SPIRE1: variants seen among roughly 807,000 people sequenced by gnomAD.
SPIRE1 encodes the protein spire type actin nucleation factor 1.
A neutral mutation model predicts 94.1 loss-of-function variants in SPIRE1; 40 were observed. The observed-to-expected ratio is 0.43, with a 90% CI of 0.33 to 0.55. The LOEUF is 0.55. SPIRE1 is among the 20% of genes least tolerant of loss of function. The pLI, the probability that SPIRE1 is intolerant of heterozygous loss-of-function variation, is 0.06. For synonymous variants in SPIRE1, 376 were observed against 371.7 expected, an observed-to-expected ratio of 1.01 and a Z score of -0.13; for missense variants, 838 against 975.2, an observed-to-expected ratio of 0.86 and a Z score of 1.87.
At position 12,574,907 on chromosome 18, in the gene SPIRE1, G is replaced by A. The variant is rs76271141; in HGVS notation, c.373-28003C>T. Among the ~76,000 whole-genome samples, 1,338 of 152,312 alleles carry A rather than the reference G, an allele frequency of 8.8e-3. 28 individuals are homozygous for A. The highest frequency in any genetic ancestry group is 0.03 in the African/African-American group (1,232 of 41,572). ...AGGCATCGTCATATGTACTGAATGTGGATAAGAAGTAAGAGGAACTCTAGC... is the reference window on the plus strand; with the variant it reads ...AGGCATCGTCATATGTACTGAATGTAGATAAGAAGTAAGAGGAACTCTAGC... On this transcript the variant is annotated intron_variant, in intron 2 of 16. Transcript: ENST00000409402.
At chr18:12,486,772 C>A (rs940894905) in intron 8 of SPIRE1, among the ~76,000 whole-genome samples, 1 of 152,168 alleles carries the variant, frequency 6.6e-6, no homozygotes, top group South Asian at 2.1e-4. Flanking sequence ...CCTTCCTTAT[C>A]GTATTTTCAC....
chr18:12,483,034 G>C (rs992870264), intron 9 of SPIRE1, among the ~76,000 whole-genome samples: 15 of 149,948 alleles, frequency 1.0e-4, no homozygotes, highest in Non-Finnish European at 7.4e-5. Flanking sequence ...TTGACCTCTC[G>C]GGCTCAGGCG....
chr18:12,464,842 C>T, intron 11 of SPIRE1, 26 bp downstream of exon 11: 2 of 1,593,438 alleles, frequency 1.3e-6, no homozygotes, highest in Admixed American at 1.7e-5. Context: ...CATCCGACTA[C>T]AGCTCTTAGC....
chr18:12,524,037 A>T (rs1008701174), intron 4 of SPIRE1, among the ~76,000 whole-genome samples: 4 of 152,224 alleles, frequency 2.6e-5, no homozygotes, highest in Non-Finnish European at 5.9e-5. Flanking sequence ...AAACAAAAAA[A>T]TTTGTATGAC....
intron 5 of SPIRE1, among the ~76,000 whole-genome samples, chr18:12,507,417 G>T (rs551766118): frequency 6.6e-6 from 1 of 152,278 alleles, no homozygotes; most frequent in African/African-American, 2.4e-5. Context: ...TACTAAAAAA[G>T]GCTGGGTGCA....
Position 12,622,838 on chromosome 18 carries a change from G to A in SPIRE1, c.372+12224C>T, listed in dbSNP as rs1472772107. Among the ~76,000 whole-genome samples the A allele has an allele frequency of 4.6e-5, 7 of 152,110 alleles. No homozygotes were observed. In the South Asian group the frequency reaches 6.2e-4, roughly 14 times the overall value. ...CTTCAGACATCCTTGTGTTCTGTCA[G>A]TTTCAAAAACAGCTAGCTCTTTCAG... On this transcript the variant is annotated intron_variant, in intron 2 of 16. Transcript: ENST00000409402.
At chr18:12,579,141 C>T (rs1443734945) in intron 2 of SPIRE1, among the ~76,000 whole-genome samples, 1 of 150,090 alleles carries the variant, frequency 6.7e-6, no homozygotes, top group African/African-American at 2.4e-5. Flanking sequence ...AAATCTGAAC[C>T]AAGCTATGAA....
intron 4 of SPIRE1, among the ~76,000 whole-genome samples, chr18:12,517,538 C>CT (rs1046011407): frequency 6.6e-5 from 10 of 151,970 alleles, no homozygotes; most frequent in South Asian, 2.1e-4. Flanking sequence ...AATGATTTTT[C>CT]TTTTTTTTGC....
At chr18:12,573,420 C>T (rs923008456) in intron 2 of SPIRE1, among the ~76,000 whole-genome samples, 1 of 152,260 alleles carries the variant, frequency 6.6e-6, no homozygotes, top group Non-Finnish European at 1.5e-5. Context: ...CAGTTTCTTA[C>T]AAAACTAAAC....
intron 12 of SPIRE1, among the ~76,000 whole-genome samples, chr18:12,460,142 G>T (rs541564321): frequency 6.6e-6 from 1 of 152,186 alleles, no homozygotes; most frequent in East Asian, 1.9e-4. Flanking sequence ...GAATCTCAGC[G>T]TTCACACAGC....
Position 12,657,839 on chromosome 18 carries a change from C to T in SPIRE1, c.28G>A (p.Gly10Ser), listed in dbSNP as rs1399938591. The T allele has an allele frequency of 8.8e-7, 1 of 1,136,050 alleles. No homozygotes were observed. Among genetic ancestry groups the T allele is most frequent in the African/African-American group, 1.7e-5 (1 of 60,594 alleles). The allele number at this position is 1,136,050 out of a possible 1,614,324, so 70.4% of individuals were successfully genotyped here. MAQAAGPAG[G>S]GEPRTEAVGG... ...ACTGCCTCAGTCCGCGGCTCCCCGC[C>T]GCCCGCCGGGCCAGCCGCCTGAGCC... Residue 10 changes from glycine (G) to serine (S), a missense_variant, in exon 1 of 17, where the codon GGC becomes AGC. Coordinates refer to ENST00000409402, the MANE Select transcript of SPIRE1 (RefSeq NM_001128626.2).
At chr18:12,507,547 A>C (rs2033876747) in intron 5 of SPIRE1, among the ~76,000 whole-genome samples, 2 of 151,862 alleles carry the variant, frequency 1.3e-5, no homozygotes, top group African/African-American at 4.8e-5. Flanking sequence ...AAAAATTCAA[A>C]AATTAGCTGG....
At chr18:12,642,222 T>G (rs1598575262) in intron 1 of SPIRE1, among the ~76,000 whole-genome samples, 2 of 152,334 alleles carry the variant, frequency 1.3e-5, no homozygotes, top group African/African-American at 4.8e-5. Context: ...AACTTGCATC[T>G]TCTTCCTTGA....
At position 12,657,970 on chromosome 18, in the gene SPIRE1, CCGCCGCCCAACGCGGCCGCGCG is replaced by C. The variant is rs2038607204; in HGVS notation, c.-126_-105del. ...CGCCGCCTCACCATCCCCGGAACCGCCGCCGCCCAACGCGGCCGCGCGCGCCGCCGCCGGGACCAGGCGAGTG... is the reference window on the plus strand; with the variant it reads ...CGCCGCCTCACCATCCCCGGAACCGCCGCCGCCGCCGGGACCAGGCGAGTG... On this transcript the variant is annotated 5_prime_UTR_variant, in exon 1 of 17. Coordinates refer to ENST00000409402, the MANE Select transcript of SPIRE1 (RefSeq NM_001128626.2). The C allele has an allele frequency of 1.0e-6, 1 of 995,834 alleles. No homozygotes were observed. Among genetic ancestry groups the C allele is most frequent in the Non-Finnish European group, 1.2e-6 (1 of 837,812 alleles). The allele number at this position is 995,834 out of a possible 1,614,324, so 61.7% of individuals were successfully genotyped here.
intron 2 of SPIRE1, 79 bp from the exon 3 acceptor site, chr18:12,546,983 G>T: frequency 1.0e-6 from 1 of 977,102 alleles, no homozygotes; most frequent in Non-Finnish European, 1.5e-6. Flanking sequence ...AAGATGTTTA[G>T]TATGATTTTT....
chr18:12,655,188 A>T (rs1400386763), intron 1 of SPIRE1, among the ~76,000 whole-genome samples: 1 of 151,564 alleles, frequency 6.6e-6, no homozygotes, highest in Non-Finnish European at 1.5e-5. Flanking sequence ...ACTGCACTCC[A>T]GCCTTCAGCA....
intron 6 of SPIRE1, among the ~76,000 whole-genome samples, chr18:12,505,256 A>G (rs1256626337): frequency 6.6e-6 from 1 of 152,138 alleles, no homozygotes. Flanking sequence ...GGAATAGAAG[A>G]TATTTTGGCC....
chr18:12,556,837 C>T (rs188790449), intron 2 of SPIRE1, among the ~76,000 whole-genome samples: 38 of 152,282 alleles, frequency 2.5e-4, no homozygotes, highest in Non-Finnish European at 3.4e-4. Context: ...AAGAACAAAG[C>T]TTCCACAGTG....
rs1425320641 is a variant in SPIRE1 at position 12,657,557 on chromosome 18, C to A, written c.310G>T (p.Asp104Tyr). 4.0e-6 allele frequency: 5 copies of A among 1,235,754 alleles called. No homozygotes were observed. In the African/African-American group the frequency reaches 6.3e-5, roughly 15 times the overall value. 76.5% of individuals were successfully genotyped at this position (1,235,754 alleles called of 1,614,324 possible). ...GAVTLAPAAD[D>Y]AGEPPPVAGK... ...GCAACTGGGGGCGGCTCTCCCGCGT[C>A]GTCGGCCGCGGGCGCCAGGGTGACG... The change falls in exon 1 of 17, where the codon GAC becomes TAC. Residue 104 changes from aspartate (D) to tyrosine (Y), a missense_variant. Transcript: ENST00000409402.
Sources: gnomAD v4.1 joint callset for allele counts (sites outside exome capture counted in the v4.1 genomes callset) on GRCh38, gnomAD v4.1.1 for gene constraint, MANE v1.5 for transcripts, NCBI Gene and HGNC (gene_info 2026-07-23, HGNC 2026-07-21) for gene names.